The following CXXC5 variants were observed in gnomAD, a reference collection of about 807,000 sequenced individuals.
The protein encoded by CXXC5 is CXXC finger protein 5.
Under a neutral mutation model 17.6 loss-of-function variants are expected in CXXC5, and 2 were observed. The ratio of observed to expected loss-of-function variants is 0.11; its 90% CI spans 0.05 to 0.36. The LOEUF (loss-of-function observed/expected upper bound fraction) is 0.36, where lower values mean the gene tolerates loss of function less well. Among genes scored for constraint, CXXC5 ranks in the 10% least tolerant of loss-of-function variants. CXXC5 has a pLI of 1.00. For missense variants in CXXC5, 343 were observed against 458.3 expected, an observed-to-expected ratio of 0.75 and a Z score of 2.30; for synonymous variants, 171 against 193.0, an observed-to-expected ratio of 0.89 and a Z score of 0.94.
At position 139,658,816 on chromosome 5, in the gene CXXC5, C is replaced by G. The variant is rs1440733216; in HGVS notation, c.-161+9971C>G. On this transcript the variant is annotated intron_variant, in intron 1 of 2. Coordinates refer to ENST00000302517, the MANE Select transcript of CXXC5 (RefSeq NM_016463.9). The surrounding 1 kb of genome is among the most constrained non-coding windows in gnomAD (Gnocchi z 4.1). Reference sequence around the variant, plus strand: ...GCTTTTTTCAAGGTCTAACATCACCCTGACAATACCTTGGGATTCTTTTCA... The same window carrying G: ...GCTTTTTTCAAGGTCTAACATCACCGTGACAATACCTTGGGATTCTTTTCA... Among the ~76,000 whole-genome samples, 3 of 152,230 alleles carry G rather than the reference C, an allele frequency of 2.0e-5. No homozygotes were observed. Among genetic ancestry groups the G allele is most frequent in the African/African-American group, 7.2e-5 (3 of 41,456 alleles).
At chr5:139,648,152 G>A (rs1321679077), upstream of CXXC5, 4 of 151,192 alleles carry the variant, frequency 2.6e-5, no homozygotes, top group South Asian at 2.1e-4. Flanking sequence ...GGAGCTCGAG[G>A]CGCAGCGGCT....
intron 1 of CXXC5, among the ~76,000 whole-genome samples, chr5:139,678,808 T>C (rs1361575410): frequency 6.6e-6 from 1 of 152,116 alleles, no homozygotes; most frequent in Non-Finnish European, 1.5e-5. Context: ...CCGCCAGATG[T>C]GCGCCTCCCC....
chr5:139,680,979 G>C lies in CXXC5; in HGVS notation c.456G>C (p.Thr152=). ...TGCTGAGCAAGGCAGAGCGGGCCAC[G>C]GAGCTGGCAGCCGAGGGACAGCTGA... ...ASLLSKAERA[T]ELAAEGQLTL... The change falls in exon 2 of 3, where the codon ACG becomes ACC. Residue 152 remains threonine (T), a synonymous_variant. Coordinates refer to ENST00000302517, the MANE Select transcript of CXXC5 (RefSeq NM_016463.9). 1 of 1,602,726 alleles carries C rather than the reference G, an allele frequency of 6.2e-7. No homozygotes were observed. Among genetic ancestry groups the C allele is most frequent in the Middle Eastern group, 1.6e-4 (1 of 6,062 alleles).
intron 1 of CXXC5, among the ~76,000 whole-genome samples, chr5:139,665,329 G>T (rs553315931): frequency 6.6e-6 from 1 of 152,268 alleles, no homozygotes; most frequent in Non-Finnish European, 1.5e-5. Flanking sequence ...GCCAAGACCC[G>T]CTGTGGTTTA....
Position 139,680,685 on chromosome 5 carries a change from AC to A in CXXC5, c.168del (p.Glu57SerfsTer40), listed in dbSNP as rs756380231. On this transcript the variant is annotated frameshift_variant, in exon 2 of 3. Transcript: ENST00000302517. LOFTEE classifies it high-confidence loss of function. ...APASVADDTP[P>X]PERRNKSGII... ...CAGCCTCAGTGGCAGATGACACACC[AC>A]CCCCCGAGCGTCGGAACAAGAGCGG... 6.2e-7 allele frequency: 1 copy of A among 1,612,772 alleles called. No individual in the cohort carries two copies. The highest frequency in any genetic ancestry group is 8.5e-7 in the Non-Finnish European group (1 of 1,179,926).
At chr5:139,678,126 G>A (rs1218141609) in intron 1 of CXXC5, among the ~76,000 whole-genome samples, 1 of 152,228 alleles carries the variant, frequency 6.6e-6, no homozygotes, top group African/African-American at 2.4e-5. Context: ...GGCTGCCGGG[G>A]TTGTCGTCCA....
chr5:139,682,567 C>T (rs1161893687), intron 2 of CXXC5, among the ~76,000 whole-genome samples: 1 of 152,224 alleles, frequency 6.6e-6, no homozygotes, highest in Non-Finnish European at 1.5e-5. Context: ...CAGAAACATG[C>T]CACAGCCACC....
chr5:139,662,438 C>CAA (rs200381971), intron 1 of CXXC5, among the ~76,000 whole-genome samples: 1 of 149,412 alleles, frequency 6.7e-6, no homozygotes, highest in Non-Finnish European at 1.5e-5. Flanking sequence ...CATATGCTGC[C>CAA]AAAAAAAAAG....
At chr5:139,652,425 C>G (rs527531555) in intron 1 of CXXC5, among the ~76,000 whole-genome samples, 3 of 152,154 alleles carry the variant, frequency 2.0e-5, no homozygotes, top group East Asian at 1.9e-4. Flanking sequence ...AGGACTGCCC[C>G]CTAAAGACCC....
intron 1 of CXXC5, among the ~76,000 whole-genome samples, chr5:139,654,397 TC>T (rs1755379176): frequency 6.6e-6 from 1 of 152,168 alleles, no homozygotes; most frequent in African/African-American, 2.4e-5. Context: ...AACCTCAGTT[TC>T]CTAATCTCTG....
At chr5:139,657,316 G>A (rs1457849067) in intron 1 of CXXC5, among the ~76,000 whole-genome samples, 2 of 152,194 alleles carry the variant, frequency 1.3e-5, no homozygotes, top group African/African-American at 2.4e-5. Context: ...GCTGTTTCCT[G>A]CACCTTCCAC....
At position 139,680,351 on chromosome 5, in the gene CXXC5, C is replaced by A; in HGVS notation, c.-160-13C>A. ...GTTCACTGCTGCCCTGACCCTGTAT[C>A]CTCTTGTGACAGAGTGAAGACATTT... On this transcript the variant is annotated splice_polypyrimidine_tract_variant and intron_variant, in intron 1 of 2. Transcript: ENST00000302517. 1.1e-6 allele frequency: 1 copy of A among 911,958 alleles called. No homozygotes were observed. The highest frequency in any genetic ancestry group is 1.6e-6 in the Non-Finnish European group (1 of 622,716). 56.5% of individuals were successfully genotyped at this position (911,958 alleles called of 1,614,324 possible). A position where few individuals can be genotyped will look rare whatever the true frequency, so the allele number is the denominator to read the frequency against.
chr5:139,679,654 G>A (rs1483501530), intron 1 of CXXC5: 3 of 152,130 alleles, frequency 2.0e-5, no homozygotes, highest in Non-Finnish European at 4.4e-5. Context: ...GGATGTGGAG[G>A]TGGTTTTTTT....
chr5:139,680,450 G>C lies in CXXC5; in HGVS notation c.-74G>C, dbSNP rs1581631401. The C allele has an allele frequency of 2.0e-6, 3 of 1,485,372 alleles. No homozygotes were observed. The East Asian group carries it at 7.4e-5, about 37-fold the overall frequency. The allele number at this position is 1,485,372 out of a possible 1,614,324, so 92.0% of individuals were successfully genotyped here. A position where few individuals can be genotyped will look rare whatever the true frequency, so the allele number is the denominator to read the frequency against. On this transcript the variant is annotated 5_prime_UTR_variant, in exon 2 of 3. Coordinates refer to ENST00000302517, the MANE Select transcript of CXXC5 (RefSeq NM_016463.9). ...AGGCATCTCTGTTGTGGGCAGCAGG[G>C]CCAGGTCCTGGTCTGTGGACCCTCG... is the stretch of plus-strand genomic sequence containing the variant.
At chr5:139,651,447 G>A (rs1441301227) in intron 1 of CXXC5, among the ~76,000 whole-genome samples, 1 of 152,148 alleles carries the variant, frequency 6.6e-6, no homozygotes, top group Non-Finnish European at 1.5e-5. Flanking sequence ...CAGGGCACCG[G>A]CCAGCACAGG....
chr5:139,667,858 A>G (rs999879066), intron 1 of CXXC5, among the ~76,000 whole-genome samples: 3 of 151,994 alleles, frequency 2.0e-5, no homozygotes, highest in Non-Finnish European at 2.9e-5. Context: ...TACTACTGAC[A>G]CTGTTATTTT....
chr5:139,675,733 C>T (rs1052177182), intron 1 of CXXC5, among the ~76,000 whole-genome samples: 8 of 152,210 alleles, frequency 5.3e-5, no homozygotes, highest in African/African-American at 1.7e-4. Context: ...TAAATTTCCT[C>T]ATGTCTGAAA....
In CXXC5 at chr5:139,670,604, A is replaced by C. The variant is rs1015112105; in HGVS notation, c.-160-9760A>C. ...ATACACACACTGGCATTCATGCGGCAAAGATGTGTTGACACGTACAGACCA... is the reference window on the plus strand; with the variant it reads ...ATACACACACTGGCATTCATGCGGCCAAGATGTGTTGACACGTACAGACCA... On this transcript the variant is annotated intron_variant, in intron 1 of 2. Coordinates refer to ENST00000302517, the MANE Select transcript of CXXC5 (RefSeq NM_016463.9). This position sits in a 1 kb window ranked among gnomAD's most constrained non-coding sequence, Gnocchi z 4.2. 2.0e-5 allele frequency among the ~76,000 whole-genome samples: 3 copies of C among 152,178 alleles called. No individual in the cohort carries two copies. Among genetic ancestry groups the C allele is most frequent in the Non-Finnish European group, 2.9e-5 (2 of 68,034 alleles).
chr5:139,660,487 G>A (rs1755735341), intron 1 of CXXC5, among the ~76,000 whole-genome samples: 1 of 152,206 alleles, frequency 6.6e-6, no homozygotes, highest in Non-Finnish European at 1.5e-5. Context: ...GGTGCTCTGG[G>A]GAGGGGACCT....
Sources: allele counts gnomAD v4.1 joint callset (sites outside exome capture counted in the v4.1 genomes callset), GRCh38; gene constraint gnomAD v4.1.1; non-coding constraint Gnocchi (gnomAD v3.1); transcripts MANE v1.5; gene names NCBI Gene and HGNC (gene_info 2026-07-23, HGNC 2026-07-21).